ARHGAP42: variants seen among roughly 807,000 people sequenced by gnomAD.
ARHGAP42 encodes the protein Rho GTPase activating protein 42, also known as rho GTPase-activating protein 42.
A neutral mutation model predicts 125.0 loss-of-function variants in ARHGAP42; 63 were observed. The ratio of observed to expected loss-of-function variants is 0.50; its 90% CI spans 0.41 to 0.62. The LOEUF is 0.62. ARHGAP42 is among the 20% of genes least tolerant of loss of function. The pLI is 0.00. For missense variants in ARHGAP42, 766 were observed against 1,024.2 expected (o/e 0.75, Z 3.44); for synonymous variants, 339 against 351.0 (o/e 0.97, Z 0.38).
chr11:100,945,003 G>A (rs542488837), intron 10 of ARHGAP42, among the ~76,000 whole-genome samples: 3 of 152,138 alleles, frequency 2.0e-5, no homozygotes, highest in African/African-American at 4.8e-5. Flanking sequence ...TCAGTAGGGC[G>A]TCTTTCAAAA....
At chr11:100,963,380 G>A (rs1203807659) in intron 16 of ARHGAP42, among the ~76,000 whole-genome samples, 2 of 152,208 alleles carry the variant, frequency 1.3e-5, no homozygotes, top group Non-Finnish European at 2.9e-5. Flanking sequence ...AGACTGAAGT[G>A]CCAGGTACCA....
chr11:100,927,633 G>A (rs761936207), intron 6 of ARHGAP42, among the ~76,000 whole-genome samples: 1 of 152,166 alleles, frequency 6.6e-6, no homozygotes, highest in African/African-American at 2.4e-5. Flanking sequence ...GCTGGTGACA[G>A]TACTTTCTCT....
intron 7 of ARHGAP42, among the ~76,000 whole-genome samples, 173 bp from the exon 8 acceptor site, chr11:100,936,030 G>GTCC (rs1235066207): frequency 7.9e-5 from 12 of 152,074 alleles, no homozygotes; most frequent in Admixed American, 1.3e-4. Context: ...GACTGAGGCA[G>GTCC]GAGGATCACT....
chr11:100,755,503 G>C (rs1309017367), intron 1 of ARHGAP42, among the ~76,000 whole-genome samples: 3 of 152,210 alleles, frequency 2.0e-5, no homozygotes, highest in Admixed American at 2.0e-4. Context: ...GTACTATCTT[G>C]TTCATTATCT....
At chr11:100,785,405 G>A (rs887991292) in intron 2 of ARHGAP42, among the ~76,000 whole-genome samples, 3 of 152,200 alleles carry the variant, frequency 2.0e-5, no homozygotes, top group African/African-American at 7.2e-5. Flanking sequence ...AAGATTAGGA[G>A]TGAACTAGAG....
chr11:100,920,829 T>C (rs1460026530), intron 5 of ARHGAP42, among the ~76,000 whole-genome samples: 1 of 152,176 alleles, frequency 6.6e-6, no homozygotes, highest in East Asian at 1.9e-4. Flanking sequence ...TCTGTTTATT[T>C]GTTTGACTCT....
chr11:100,983,605 T>C (rs1443555303), intron 22 of ARHGAP42, among the ~76,000 whole-genome samples: 1 of 152,200 alleles, frequency 6.6e-6, no homozygotes, highest in Non-Finnish European at 1.5e-5. Flanking sequence ...AATAAAATTG[T>C]TGAATGAGTA....
intron 4 of ARHGAP42, among the ~76,000 whole-genome samples, chr11:100,903,137 A>ACACACACACACACC (rs1866604383): frequency 3.3e-5 from 5 of 151,504 alleles, no homozygotes; most frequent in Admixed American, 1.3e-4. Flanking sequence ...ACACACACAC[A>ACACACACACACACC]CACACACACA....
intron 21 of ARHGAP42, among the ~76,000 whole-genome samples, chr11:100,978,375 A>C (rs1246476437): frequency 6.6e-6 from 1 of 152,146 alleles, no homozygotes; most frequent in East Asian, 1.9e-4. Context: ...TAAATATAGA[A>C]ACTCTTTCAA....
intron 3 of ARHGAP42, among the ~76,000 whole-genome samples, chr11:100,854,024 A>G (rs947536357): frequency 6.6e-6 from 1 of 152,120 alleles, no homozygotes; most frequent in Admixed American, 6.6e-5. Flanking sequence ...AAAGTAAAAA[A>G]TTTAAGCTTT....
At chr11:100,886,731 C>T (rs961771331) in intron 4 of ARHGAP42, among the ~76,000 whole-genome samples, 2 of 152,134 alleles carry the variant, frequency 1.3e-5, no homozygotes, top group African/African-American at 4.8e-5. Flanking sequence ...CTAGCTGACC[C>T]AATTAAGGCC....
intron 3 of ARHGAP42, among the ~76,000 whole-genome samples, chr11:100,824,875 A>G (rs1034330048): frequency 6.6e-6 from 1 of 152,204 alleles, no homozygotes; most frequent in Non-Finnish European, 1.5e-5. Context: ...TTCCCATTCT[A>G]AGCTGTAGGC....
At chr11:100,784,368 A>G (rs1440290651) in intron 2 of ARHGAP42, among the ~76,000 whole-genome samples, 2 of 152,140 alleles carry the variant, frequency 1.3e-5, no homozygotes, top group African/African-American at 2.4e-5. Flanking sequence ...GCCCTCTAGG[A>G]GTTTTATTCT....
chr11:100,713,630 TAA>T (rs1229187894), intron 1 of ARHGAP42, among the ~76,000 whole-genome samples: 1 of 151,984 alleles, frequency 6.6e-6, no homozygotes, highest in Admixed American at 6.6e-5. Context: ...AATGACCGAG[TAA>T]AAAAAATAAT....
At chr11:100,699,492 ATATATATATATATATTTTTTTT>A (rs1861354793) in intron 1 of ARHGAP42, among the ~76,000 whole-genome samples, 1 of 30,614 alleles carries the variant, frequency 3.3e-5, no homozygotes, top group African/African-American at 1.3e-4. Context: ...ATATATATAT[ATATATATATATATATTTTTTTT>A]TTTTTTTTTT....
At chr11:100,777,036 G>A (rs1467132569) in intron 2 of ARHGAP42, among the ~76,000 whole-genome samples, 4 of 151,314 alleles carry the variant, frequency 2.6e-5, no homozygotes, top group Admixed American at 2.0e-4. Context: ...AAAAGAAGCT[G>A]TTTTATGGAA....
chr11:100,972,807 T>C (rs1858284959), intron 17 of ARHGAP42, among the ~76,000 whole-genome samples: 1 of 152,218 alleles, frequency 6.6e-6, no homozygotes, highest in Admixed American at 6.5e-5. Context: ...AATAATATGT[T>C]TGGTGACTCT....
intron 3 of ARHGAP42, among the ~76,000 whole-genome samples, chr11:100,801,722 C>T (rs1288341615): frequency 1.3e-5 from 2 of 152,072 alleles, no homozygotes; most frequent in African/African-American, 4.8e-5. Context: ...TGTTTCAGAA[C>T]CTTTTGAGGA....
At chr11:100,940,064 T>C (rs1867836423) in intron 8 of ARHGAP42, among the ~76,000 whole-genome samples, 1 of 152,166 alleles carries the variant, frequency 6.6e-6, no homozygotes, top group Middle Eastern at 3.2e-3. Context: ...TATTATTAAG[T>C]ATTATAGTGT....
Sources: allele counts gnomAD v4.1 joint callset (sites outside exome capture counted in the v4.1 genomes callset), GRCh38; gene constraint gnomAD v4.1.1; transcripts MANE v1.5; gene names NCBI Gene and HGNC (gene_info 2026-07-23, HGNC 2026-07-21).